Variants in ADGRV1 observed in about 807,000 individuals in gnomAD.
ADGRV1 encodes the protein adhesion G protein-coupled receptor V1.
Under a neutral mutation model 596.2 loss-of-function variants are expected in ADGRV1, and 359 were observed. The observed-to-expected ratio is 0.60, with a 90% CI of 0.55 to 0.66. ADGRV1 has a LOEUF of 0.66. ADGRV1 is among the 30% of genes least tolerant of loss of function. ADGRV1 has a pLI of 0.00. For synonymous variants in ADGRV1, 2,681 were observed against 2,679.2 expected (o/e 1.00, Z -0.02); for missense variants, 7,274 against 7,575.6 (o/e 0.96, Z 1.48).
intron 83 of ADGRV1, among the ~76,000 whole-genome samples, chr5:90,917,443 A>G (rs930934052): frequency 2.6e-5 from 4 of 151,018 alleles, no homozygotes; most frequent in Non-Finnish European, 5.9e-5. Flanking sequence ...TCAAGAATGG[A>G]TAAAAATTAA....
At chr5:90,795,223 G>A (rs908373406) in intron 70 of ADGRV1, among the ~76,000 whole-genome samples, 11 of 151,792 alleles carry the variant, frequency 7.2e-5, no homozygotes, top group African/African-American at 2.4e-4. Flanking sequence ...CACCCCCAAG[G>A]AGCCCAGCAA....
chr5:90,678,839 A>C (rs557254340), intron 25 of ADGRV1, among the ~76,000 whole-genome samples: 1 of 152,016 alleles, frequency 6.6e-6, no homozygotes, highest in East Asian at 1.9e-4. Context: ...TTTGCGATTA[A>C]ATTTCCCACA....
At chr5:91,090,854 A>G (rs1378257341) in intron 86 of ADGRV1, among the ~76,000 whole-genome samples, 3 of 152,064 alleles carry the variant, frequency 2.0e-5, no homozygotes, top group Non-Finnish European at 4.4e-5. Context: ...CCCACTGCCA[A>G]CCTATTTTAC....
At chr5:90,802,621 T>C (rs931003231) in intron 70 of ADGRV1, 118 bp from the exon 71 acceptor site, 18 of 783,358 alleles carry the variant, frequency 2.3e-5, no homozygotes, top group Non-Finnish European at 3.3e-5. Context: ...AAAGTGCATG[T>C]ATTGATGAAA....
intron 9 of ADGRV1, among the ~76,000 whole-genome samples, chr5:90,633,699 T>A (rs1206550431): frequency 6.6e-6 from 1 of 152,174 alleles, no homozygotes; most frequent in Non-Finnish European, 1.5e-5. Context: ...TTACATTTTA[T>A]CTACATTGTA....
intron 1 of ADGRV1, among the ~76,000 whole-genome samples, chr5:90,590,552 G>T (rs2151993826): frequency 6.6e-6 from 1 of 152,254 alleles, no homozygotes; most frequent in Admixed American, 6.5e-5. Flanking sequence ...CAAGAGGACT[G>T]GGCAGAAACT....
intron 89 of ADGRV1, among the ~76,000 whole-genome samples, chr5:91,163,228 G>A (rs1797099804): frequency 6.6e-6 from 1 of 152,172 alleles, no homozygotes; most frequent in South Asian, 2.1e-4. Flanking sequence ...TTTTGGCACT[G>A]TGTTACGTAA....
chr5:90,898,671 C>T (rs1325953692), intron 83 of ADGRV1, among the ~76,000 whole-genome samples: 3 of 152,036 alleles, frequency 2.0e-5, no homozygotes, highest in East Asian at 3.9e-4. Flanking sequence ...TGGCTGGGTG[C>T]GGGGACTCAC....
At chr5:90,608,015 A>G (rs1412192740) in intron 1 of ADGRV1, among the ~76,000 whole-genome samples, 1 of 152,176 alleles carries the variant, frequency 6.6e-6, no homozygotes, top group African/African-American at 2.4e-5. Flanking sequence ...TAATGGAAAA[A>G]TAACAGGATA....
intron 1 of ADGRV1, among the ~76,000 whole-genome samples, chr5:90,561,401 A>G (rs1239182357): frequency 6.6e-6 from 1 of 152,144 alleles, no homozygotes; most frequent in African/African-American, 2.4e-5. Flanking sequence ...ATACATTCTC[A>G]TAAACTATTA....
intron 84 of ADGRV1, among the ~76,000 whole-genome samples, chr5:90,969,270 C>T (rs185040917): frequency 4.7e-4 from 72 of 152,268 alleles, no homozygotes; most frequent in African/African-American, 1.7e-3. Context: ...CATATTTACC[C>T]ATATTATTTG....
chr5:90,580,131 T>C (rs1483969217), intron 1 of ADGRV1, among the ~76,000 whole-genome samples: 1 of 152,232 alleles, frequency 6.6e-6, no homozygotes. Flanking sequence ...AATATTGTTA[T>C]GTGTGAATTT....
chr5:91,127,839 C>G (rs1446007411), intron 87 of ADGRV1, among the ~76,000 whole-genome samples: 1 of 152,172 alleles, frequency 6.6e-6, no homozygotes, highest in Non-Finnish European at 1.5e-5. Context: ...GATTCATAAC[C>G]TAAACAAGCT....
chr5:91,152,699 C>T (rs1796161881), intron 88 of ADGRV1, among the ~76,000 whole-genome samples: 1 of 152,056 alleles, frequency 6.6e-6, no homozygotes, highest in Admixed American at 6.6e-5. Context: ...CAGGATGTCT[C>T]TCTGTCACCC....
chr5:91,099,269 A>C (rs80168708), intron 86 of ADGRV1, among the ~76,000 whole-genome samples: 69 of 146,862 alleles, frequency 4.7e-4, no homozygotes, highest in Admixed American at 1.6e-3. Context: ...TTCTCTCTCA[A>C]AAAAAAAAAA....
At chr5:91,100,840 C>G (rs537457424) in intron 86 of ADGRV1, among the ~76,000 whole-genome samples, 5 of 152,246 alleles carry the variant, frequency 3.3e-5, no homozygotes, top group Non-Finnish European at 7.4e-5. Flanking sequence ...TGATTTCTAA[C>G]GGCTTATAAT....
intron 58 of ADGRV1, 66 bp from the exon 59 acceptor site, chr5:90,763,239 C>T: frequency 8.4e-7 from 1 of 1,186,146 alleles, no homozygotes; most frequent in Non-Finnish European, 1.1e-6. Context: ...AAATAAGATT[C>T]TACTTGTTTA....
rs867362242 is a variant in ADGRV1 at position 90,627,706 on chromosome 5, T to C, written c.1168T>C (p.Tyr390His). Residue 390 changes from tyrosine (Y) to histidine (H), a missense_variant, in exon 7 of 90, where the codon TAT (tyrosine) becomes CAT (histidine). By Grantham distance (83) the Tyr-to-His change is moderately conservative. Coordinates refer to ENST00000405460, the MANE Select transcript of ADGRV1 (RefSeq NM_032119.4). ...CACCATTAAGCCAAATGATAAACCT[T>C]ATGGAGTCCTTTCATTCAACAGTGT... ...QVTIKPNDKP[Y>H]GVLSFNSVLF... is the part of the protein sequence containing the mutation. 4 of 1,607,172 alleles carry C rather than the reference T, an allele frequency of 2.5e-6. No homozygotes were observed. In the African/African-American group the frequency reaches 5.4e-5, roughly 22 times the overall value.
chr5:90,963,535 C>T (rs1371080825), intron 83 of ADGRV1, among the ~76,000 whole-genome samples: 1 of 151,630 alleles, frequency 6.6e-6, no homozygotes, highest in Admixed American at 6.6e-5. Context: ...ACATAAATTT[C>T]TATTTTCTGC....
Sources: gnomAD v4.1 joint callset for allele counts (sites outside exome capture counted in the v4.1 genomes callset) on GRCh38, gnomAD v4.1.1 for gene constraint, MANE v1.5 for transcripts, NCBI Gene and HGNC (gene_info 2026-07-23, HGNC 2026-07-21) for gene names.